Variants in SLC30A8 observed in about 807,000 individuals in gnomAD.
The protein encoded by SLC30A8 is proton-coupled zinc antiporter SLC30A8.
In SLC30A8, 27 loss-of-function variants were observed where a neutral mutation model predicts 36.9. The observed-to-expected ratio is 0.73, with a 90% CI of 0.54 to 1.01. The LOEUF (loss-of-function observed/expected upper bound fraction) is 1.01, where lower values mean the gene tolerates loss of function less well. Ranked by LOEUF, SLC30A8 falls within the 50% of genes least tolerant of loss-of-function variation. The probability of loss-of-function intolerance (pLI) is 0.00; values close to 1 mark genes in which losing one functional copy is unlikely to be tolerated. For missense variants in SLC30A8, 439 were observed against 452.0 expected, an observed-to-expected ratio of 0.97 and a Z score of 0.26; for synonymous variants, 164 against 172.4, an observed-to-expected ratio of 0.95 and a Z score of 0.38.
intron 2 of SLC30A8, among the ~76,000 whole-genome samples, chr8:117,097,103 C>G (rs7826750): frequency 2.6e-5 from 4 of 151,420 alleles, no homozygotes; most frequent in Admixed American, 6.6e-5. Flanking sequence ...TAATTTAAAA[C>G]TTATATAAGT....
chr8:117,161,951 C>T (rs1012150448), intron 5 of SLC30A8, 63 bp downstream of exon 5: 12 of 1,426,920 alleles, frequency 8.4e-6, no homozygotes, highest in Admixed American at 6.2e-5. Context: ...GAAGCTGACC[C>T]TCCAACATTA....
intron 1 of SLC30A8, among the ~76,000 whole-genome samples, chr8:116,984,867 AT>A (rs1001420337): frequency 6.6e-6 from 1 of 151,974 alleles, no homozygotes; most frequent in Non-Finnish European, 1.5e-5. Context: ...ATTTAATCCA[AT>A]TTATAATTTT....
chr8:116,970,463 T>A (rs1814754830), intron 1 of SLC30A8, among the ~76,000 whole-genome samples: 1 of 152,238 alleles, frequency 6.6e-6, no homozygotes, highest in Non-Finnish European at 1.5e-5. Context: ...TTTATTATCA[T>A]TATCAAGAAT....
At chr8:116,990,472 C>G (rs1815596978) in intron 1 of SLC30A8, among the ~76,000 whole-genome samples, 1 of 152,162 alleles carries the variant, frequency 6.6e-6, no homozygotes, top group African/African-American at 2.4e-5. Flanking sequence ...AAAACTCTTA[C>G]ATTTAATCAT....
chr8:117,061,099 A>G (rs1275249092), intron 2 of SLC30A8, among the ~76,000 whole-genome samples: 2 of 152,236 alleles, frequency 1.3e-5, no homozygotes, highest in Non-Finnish European at 2.9e-5. Context: ...TGTTCTCAAT[A>G]GATGGAAGAG....
At chr8:117,131,837 T>A (rs1283588166), upstream of SLC30A8, among the ~76,000 whole-genome samples, 2 of 151,976 alleles carry the variant, frequency 1.3e-5, no homozygotes, top group Non-Finnish European at 1.5e-5. Flanking sequence ...TCACAAGAAC[T>A]CTGTAAGATG....
chr8:117,026,944 C>T (rs1285178548), intron 1 of SLC30A8, among the ~76,000 whole-genome samples: 5 of 151,950 alleles, frequency 3.3e-5, no homozygotes, highest in Admixed American at 2.6e-4. Context: ...CTAGGTGTGA[C>T]TGATTCCATG....
intron 2 of SLC30A8, among the ~76,000 whole-genome samples, chr8:117,098,048 ATATAAT>A (rs886519388): frequency 1.5e-5 from 2 of 137,318 alleles, no homozygotes; most frequent in African/African-American, 5.4e-5. Context: ...ATATAATTAT[ATATAAT>A]TATAATTTAA....
At chr8:116,956,996 A>G (rs143752150) in intron 1 of SLC30A8, among the ~76,000 whole-genome samples, 7 of 152,342 alleles carry the variant, frequency 4.6e-5, no homozygotes, top group Admixed American at 6.5e-5. Flanking sequence ...AATAGTTTCA[A>G]TACTCATGAT....
intron 2 of SLC30A8, among the ~76,000 whole-genome samples, chr8:117,052,992 C>T (rs1331858305): frequency 2.0e-5 from 3 of 151,644 alleles, no homozygotes; most frequent in East Asian, 1.9e-4. Context: ...CTGCAACCTC[C>T]GCCTCCCAGG....
At chr8:117,089,118 G>T (rs557540448) in intron 2 of SLC30A8, among the ~76,000 whole-genome samples, 2 of 151,974 alleles carry the variant, frequency 1.3e-5, no homozygotes, top group African/African-American at 4.8e-5. Flanking sequence ...TTCCTTTCAG[G>T]TTTTCATTTG....
At chr8:117,120,292 G>A (rs1820637900) in intron 2 of SLC30A8, among the ~76,000 whole-genome samples, 1 of 151,902 alleles carries the variant, frequency 6.6e-6, no homozygotes, top group South Asian at 2.1e-4. Flanking sequence ...GAACAGAATA[G>A]AGATCCCAGA....
intron 1 of SLC30A8, among the ~76,000 whole-genome samples, chr8:116,978,909 C>CTT (rs918562571): frequency 6.7e-6 from 1 of 148,700 alleles, no homozygotes; most frequent in African/African-American, 2.5e-5. Flanking sequence ...AGGGCTGTAT[C>CTT]TTTTTTTTTT....
intron 2 of SLC30A8, among the ~76,000 whole-genome samples, chr8:117,100,308 A>G (rs919694762): frequency 2.0e-5 from 3 of 152,216 alleles, no homozygotes. Flanking sequence ...ATCACAGTGG[A>G]AAAGATATAT....
chr8:117,092,814 G>C (rs1819188837), intron 2 of SLC30A8, among the ~76,000 whole-genome samples: 1 of 152,172 alleles, frequency 6.6e-6, no homozygotes, highest in Non-Finnish European at 1.5e-5. Flanking sequence ...ACTCCATTTT[G>C]TGCAGGTGAA....
chr8:117,145,722 C>T (rs1253638913), intron 1 of SLC30A8, among the ~76,000 whole-genome samples: 2 of 152,114 alleles, frequency 1.3e-5, no homozygotes, highest in Non-Finnish European at 2.9e-5. Context: ...TGGTTTTAGG[C>T]ATGACAGAAG....
At position 117,147,052 on chromosome 8, in the gene SLC30A8, C is replaced by T. The variant is rs1328527565; in HGVS notation, c.170C>T (p.Ser57Phe). ...GGCATGTACCACTGCCACAGTGGCT[C>T]CAAGCCCACAGAAAAGGGGGCGAAT... is the stretch of plus-strand genomic sequence containing the variant. ...SGGMYHCHSG[S>F]KPTEKGANEY... Residue 57 changes from serine to phenylalanine, a missense_variant, in exon 2 of 8, where the codon TCC becomes TTC. Ser to Phe is a radical substitution (Grantham distance 155). Coordinates refer to ENST00000456015, the MANE Select transcript of SLC30A8 (RefSeq NM_173851.3). The T allele has an allele frequency of 6.2e-7, 1 of 1,613,976 alleles. No homozygotes were observed. Among genetic ancestry groups the T allele is most frequent in the Non-Finnish European group, 8.5e-7 (1 of 1,180,008 alleles).
intron 2 of SLC30A8, among the ~76,000 whole-genome samples, chr8:117,111,563 CTG>C (rs1464554855): frequency 6.6e-6 from 1 of 152,158 alleles, no homozygotes; most frequent in Non-Finnish European, 1.5e-5. Context: ...TGTTCCCTGA[CTG>C]TGATAGTTTA....
At chr8:116,982,052 C>T (rs1312640428) in intron 1 of SLC30A8, among the ~76,000 whole-genome samples, 2 of 152,110 alleles carry the variant, frequency 1.3e-5, no homozygotes, top group Non-Finnish European at 2.9e-5. Flanking sequence ...TAAACATTCC[C>T]TTTTCTCTGC....
Sources: gnomAD v4.1 joint callset for allele counts (sites outside exome capture counted in the v4.1 genomes callset) on GRCh38, gnomAD v4.1.1 for gene constraint, MANE v1.5 for transcripts, NCBI Gene and HGNC (gene_info 2026-07-23, HGNC 2026-07-21) for gene names.